The following EMC3 variants were observed in gnomAD, a reference collection of about 807,000 sequenced individuals.
EMC3 encodes ER membrane protein complex subunit 3.
In EMC3, 13 loss-of-function variants were observed where a neutral mutation model predicts 36.6. The ratio of observed to expected loss-of-function variants is 0.35; its 90% CI spans 0.23 to 0.56. The LOEUF (loss-of-function observed/expected upper bound fraction) is 0.56, where lower values mean the gene tolerates loss of function less well. Ranked by LOEUF, EMC3 falls within the 20% of genes least tolerant of loss-of-function variation. EMC3 has a pLI of 0.84. For missense variants in EMC3, 220 were observed against 324.5 expected, an observed-to-expected ratio of 0.68 and a Z score of 2.47; for synonymous variants, 120 against 111.9, an observed-to-expected ratio of 1.07 and a Z score of -0.46.
At chr3:9,964,364 C>T (rs927141281) in intron 7 of EMC3, among the ~76,000 whole-genome samples, 167 bp from the exon 8 acceptor site, 2 of 152,226 alleles carry the variant, frequency 1.3e-5, no homozygotes, top group Non-Finnish European at 2.9e-5. Flanking sequence ...ATCCTCTCCT[C>T]CCCCTCTTCC....
At chr3:10,003,316 A>G in intron 1 of EMC3, 1 of 424,570 alleles carries the variant, frequency 2.4e-6, no homozygotes, top group Non-Finnish European at 4.7e-6. Flanking sequence ...CTGCCAGGGG[A>G]TGCACTTCCA....
In EMC3 at chr3:9,963,326, G is replaced by A. The variant is rs1375152589; in HGVS notation, c.*743C>T. 1 of 151,808 alleles carries A rather than the reference G, an allele frequency of 6.6e-6. No individual in the cohort carries two copies. The highest frequency in any genetic ancestry group is 1.5e-5 in the Non-Finnish European group (1 of 67,986). 9.4% of individuals were successfully genotyped at this position (151,808 alleles called of 1,614,324 possible). On this transcript the variant is annotated 3_prime_UTR_variant, in exon 8 of 8. Transcript: ENST00000245046. ...GTTAACAATACTAACAAAACTAATG[G>A]TAAAACACAGGGTGTTTGGATCCCA...
At chr3:9,998,322 C>T (rs9827016) in intron 1 of EMC3, among the ~76,000 whole-genome samples, 3,727 of 149,948 alleles carry the variant, frequency 0.025, 173 homozygotes, top group African/African-American at 0.086. Context: ...GCCGAGATTG[C>T]GCCACTGCAC....
chr3:10,008,212 C>T (rs1230791703), intron 1 of EMC3: 3 of 374,064 alleles, frequency 8.0e-6, no homozygotes, highest in Admixed American at 4.1e-5. Context: ...ATTCCCCAGG[C>T]GTGGCTTTTA....
At chr3:9,979,703 G>A (rs1390884414) in intron 1 of EMC3, among the ~76,000 whole-genome samples, 1 of 152,228 alleles carries the variant, frequency 6.6e-6, no homozygotes, top group East Asian at 1.9e-4. Context: ...CAATTATCAT[G>A]TCCTAGAGAG....
intron 1 of EMC3, among the ~76,000 whole-genome samples, chr3:9,996,565 T>G (rs761198133): frequency 1.9e-4 from 29 of 152,238 alleles, no homozygotes; most frequent in Non-Finnish European, 1.0e-4. Context: ...GACTGTGACT[T>G]TGAACAACTA....
At chr3:9,988,253 T>C, upstream of EMC3, 2 of 618,052 alleles carry the variant, frequency 3.2e-6, no homozygotes, top group Non-Finnish European at 6.0e-6. Context: ...TTATTAGCCA[T>C]CTTATACATG....
Position 9,969,802 on chromosome 3 carries a change from C to T in EMC3, c.575-1G>A. ...TGCATCATTCGTGATTGGTCAGCGG[C>T]TGTAGCATAAGACACACTTACATGA... On this transcript the variant is annotated splice_acceptor_variant, in intron 6 of 7. Coordinates refer to ENST00000245046, the MANE Select transcript of EMC3 (RefSeq NM_001394674.1). LOFTEE classifies it high-confidence loss of function. 6.2e-7 allele frequency: 1 copy of T among 1,612,970 alleles called. No individual in the cohort carries two copies. The highest frequency in any genetic ancestry group is 8.5e-7 in the Non-Finnish European group (1 of 1,179,912).
Position 9,975,630 on chromosome 3 carries a change from A to G in EMC3, c.308-1142T>C, listed in dbSNP as rs554714758. Among the ~76,000 whole-genome samples the G allele has an allele frequency of 1.8e-4, 28 of 152,056 alleles. No homozygotes were observed. The East Asian group carries it at 3.1e-3, about 17-fold the overall frequency. Reference sequence around the variant, plus strand: ...GATGGAGACCATCCTGGCTAACACAATGAAACCCCGTCTCTATTAAAAATA... The same window carrying G: ...GATGGAGACCATCCTGGCTAACACAGTGAAACCCCGTCTCTATTAAAAATA... On this transcript the variant is annotated intron_variant, in intron 3 of 7. Transcript: ENST00000245046.
rs2085712942 is a variant in EMC3 at position 9,963,961 on chromosome 3, G to A, written c.*108C>T. On this transcript the variant is annotated 3_prime_UTR_variant, in exon 8 of 8. Coordinates refer to ENST00000245046, the MANE Select transcript of EMC3 (RefSeq NM_001394674.1). ...CAAGAACAAGCCTTGCTGCATGCCT[G>A]CCAGCTCGTGCATCCTCCTTTTTAT... 10 of 1,540,288 alleles carry A rather than the reference G, an allele frequency of 6.5e-6. No individual in the cohort carries two copies. The East Asian group carries it at 2.3e-4, about 35-fold the overall frequency.
At chr3:9,969,320 A>G in intron 7 of EMC3, 2 of 1,108,634 alleles carry the variant, frequency 1.8e-6, no homozygotes, top group Non-Finnish European at 1.1e-6. Context: ...TCCCACAAAA[A>G]TCATACTAAA....
chr3:9,970,873 C>T (rs1015652775), intron 5 of EMC3, among the ~76,000 whole-genome samples: 1 of 151,990 alleles, frequency 6.6e-6, no homozygotes, highest in Non-Finnish European at 1.5e-5. Context: ...AAAGGTGACT[C>T]CCATTCTGAA....
Position 10,009,653 on chromosome 3 carries a change from T to TG in EMC3, c.-242+1369dup, listed in dbSNP as rs111575837. 1.3e-3 allele frequency among the ~76,000 whole-genome samples: 191 copies of TG among 152,270 alleles called. 1 individual carries two copies. Among genetic ancestry groups the TG allele is most frequent in the African/African-American group, 4.5e-3 (186 of 41,532 alleles). On this transcript the variant is annotated intron_variant, in intron 1 of 8. Transcript: ENST00000470827. ...AGTTCCAGAGAAGAGGCGGGGCCCG[T>TG]GGGGCGTTTGGATTACACTCCCAGT...
At chr3:9,984,543 T>C (rs568051080) in intron 1 of EMC3, among the ~76,000 whole-genome samples, 1 of 151,418 alleles carries the variant, frequency 6.6e-6, no homozygotes, top group East Asian at 2.0e-4. Context: ...GCGCCCAGCA[T>C]ACCACGCTCA....
At chr3:9,987,742 C>G (rs542809139), upstream of EMC3, 1 of 435,504 alleles carries the variant, frequency 2.3e-6, no homozygotes, top group South Asian at 2.3e-5. Context: ...TGACATTCTA[C>G]GACATTGCAT....
At chr3:9,991,771 A>C, upstream of EMC3, among the ~76,000 whole-genome samples, 1 of 152,136 alleles carries the variant, frequency 6.6e-6, no homozygotes, top group Non-Finnish European at 1.5e-5. Context: ...AGCAGTCCCT[A>C]ACCTTTTTGG....
intron 7 of EMC3, among the ~76,000 whole-genome samples, chr3:9,964,674 T>C (rs562497115): frequency 6.6e-6 from 1 of 152,330 alleles, no homozygotes; most frequent in East Asian, 1.9e-4. Flanking sequence ...GCCCAGGGTA[T>C]CTTCAGTGGG....
chr3:9,983,255 C>T (rs1406017317), intron 1 of EMC3, among the ~76,000 whole-genome samples: 3 of 151,490 alleles, frequency 2.0e-5, no homozygotes. Context: ...TCATGTGATT[C>T]TCCTGCCTCA....
chr3:10,000,970 T>C (rs1182701279), intron 1 of EMC3: 3 of 304,658 alleles, frequency 9.8e-6, no homozygotes, highest in African/African-American at 2.1e-5. Context: ...TTTTAGTCCC[T>C]GGGGCCACGA....
Sources: allele counts gnomAD v4.1 joint callset (sites outside exome capture counted in the v4.1 genomes callset), GRCh38; gene constraint gnomAD v4.1.1; transcripts MANE v1.5; gene names NCBI Gene and HGNC (gene_info 2026-07-23, HGNC 2026-07-21).